Variants in FBXL17 observed in about 807,000 individuals in gnomAD.
The protein encoded by FBXL17 is F-box and leucine rich repeat protein 17.
A neutral mutation model predicts 66.2 loss-of-function variants in FBXL17; 22 were observed. The ratio of observed to expected loss-of-function variants is 0.33; its 90% CI spans 0.24 to 0.47. The LOEUF is 0.47. Ranked by LOEUF, FBXL17 falls within the 20% of genes least tolerant of loss-of-function variation. The pLI is 1.00. For missense variants in FBXL17, 878 were observed against 948.2 expected (o/e 0.93, Z 0.97); for synonymous variants, 474 against 400.5 (o/e 1.18, Z -2.19).
At chr5:108,090,879 T>C (rs1002323098) in intron 6 of FBXL17, among the ~76,000 whole-genome samples, 10 of 151,852 alleles carry the variant, frequency 6.6e-5, no homozygotes, top group African/African-American at 1.9e-4. Context: ...TTTTAAGGGG[T>C]TTTCAAATGC....
chr5:108,233,685 T>C (rs1339611901), intron 4 of FBXL17, among the ~76,000 whole-genome samples: 1 of 152,158 alleles, frequency 6.6e-6, no homozygotes, highest in Non-Finnish European at 1.5e-5. Flanking sequence ...CTGCATGAAA[T>C]GGATGTAGGC....
intron 3 of FBXL17, among the ~76,000 whole-genome samples, chr5:108,360,034 T>C (rs1444534576): frequency 2.0e-5 from 3 of 152,146 alleles, no homozygotes; most frequent in Non-Finnish European, 2.9e-5. Flanking sequence ...ATTTTATATT[T>C]ATCAATATAT....
At chr5:107,921,420 G>A (rs1405598071) in intron 7 of FBXL17, among the ~76,000 whole-genome samples, 1 of 152,160 alleles carries the variant, frequency 6.6e-6, no homozygotes, top group Non-Finnish European at 1.5e-5. Flanking sequence ...ATGCAAAACT[G>A]AGTATCAATG....
intron 4 of FBXL17, among the ~76,000 whole-genome samples, chr5:108,316,080 C>T (rs1327522357): frequency 6.6e-6 from 1 of 151,370 alleles, no homozygotes. Context: ...GAGGCCCACA[C>T]AGAAGTATCC....
chr5:108,188,672 C>G (rs1753338124), intron 5 of FBXL17, among the ~76,000 whole-genome samples: 1 of 152,176 alleles, frequency 6.6e-6, no homozygotes, highest in Non-Finnish European at 1.5e-5. Context: ...AGGCAACTGA[C>G]CAGTCAGAAC....
intron 4 of FBXL17, among the ~76,000 whole-genome samples, chr5:108,338,632 A>G (rs963907656): frequency 6.6e-6 from 1 of 152,160 alleles, no homozygotes; most frequent in Non-Finnish European, 1.5e-5. Flanking sequence ...AGATGTGGCT[A>G]CAACTAAGAT....
chr5:108,046,239 T>A (rs1747249183), intron 6 of FBXL17, among the ~76,000 whole-genome samples: 1 of 152,224 alleles, frequency 6.6e-6, no homozygotes, highest in South Asian at 2.1e-4. Context: ...TTCTAAAATA[T>A]ACTTTATCTG....
intron 6 of FBXL17, among the ~76,000 whole-genome samples, chr5:108,157,442 C>T (rs528071129): frequency 1.3e-5 from 2 of 151,462 alleles, no homozygotes; most frequent in South Asian, 2.1e-4. Context: ...CAGGAAGGTT[C>T]GTTTTTTTAA....
intron 6 of FBXL17, among the ~76,000 whole-genome samples, chr5:108,098,250 T>C (rs1045839139): frequency 6.6e-6 from 1 of 151,530 alleles, no homozygotes; most frequent in Non-Finnish European, 1.5e-5. Context: ...GTTTTTTTCC[T>C]AATAAATGTT....
intron 7 of FBXL17, among the ~76,000 whole-genome samples, chr5:107,905,961 A>G (rs552970652): frequency 2.0e-5 from 3 of 152,332 alleles, no homozygotes; most frequent in Admixed American, 1.3e-4. Flanking sequence ...AGTCAAACTC[A>G]GCAGGAATAT....
At chr5:108,007,084 T>C (rs1368300790) in intron 7 of FBXL17, among the ~76,000 whole-genome samples, 5 of 152,196 alleles carry the variant, frequency 3.3e-5, no homozygotes, top group South Asian at 2.1e-4. Context: ...AAATTACTGT[T>C]GACAAAGTTT....
intron 4 of FBXL17, among the ~76,000 whole-genome samples, chr5:108,231,290 A>C (rs576828630): frequency 6.6e-6 from 1 of 152,304 alleles, no homozygotes; most frequent in Non-Finnish European, 1.5e-5. Flanking sequence ...CACACCACCC[A>C]AAAAATTCCC....
intron 1 of FBXL17, among the ~76,000 whole-genome samples, chr5:108,374,787 CAAGT>C (rs1023799872): frequency 3.3e-5 from 5 of 152,164 alleles, no homozygotes; most frequent in Non-Finnish European, 5.9e-5. Context: ...TAACAATCAA[CAAGT>C]AAGAAGAACT....
At chr5:108,162,018 T>C (rs1752236145) in intron 6 of FBXL17, among the ~76,000 whole-genome samples, 2 of 152,168 alleles carry the variant, frequency 1.3e-5, no homozygotes, top group African/African-American at 4.8e-5. Context: ...TAAATAGAAA[T>C]TATGAAAACG....
intron 6 of FBXL17, among the ~76,000 whole-genome samples, chr5:108,071,144 T>C (rs554902426): frequency 2.0e-5 from 3 of 152,234 alleles, no homozygotes; most frequent in South Asian, 2.1e-4. Context: ...CAGGTACAGG[T>C]TGCATTGCAG....
At chr5:108,116,768 A>G (rs1424231043) in intron 6 of FBXL17, among the ~76,000 whole-genome samples, 1 of 152,142 alleles carries the variant, frequency 6.6e-6, no homozygotes, top group Non-Finnish European at 1.5e-5. Flanking sequence ...TTATCACTCA[A>G]AAAAACAGCT....
intron 6 of FBXL17, among the ~76,000 whole-genome samples, chr5:108,026,312 C>T (rs1754824127): frequency 6.6e-6 from 1 of 152,012 alleles, no homozygotes; most frequent in South Asian, 2.1e-4. Flanking sequence ...TCAAGTTAAA[C>T]AGCTATACAT....
intron 4 of FBXL17, among the ~76,000 whole-genome samples, chr5:108,318,510 A>T (rs1361106945): frequency 6.6e-6 from 1 of 151,902 alleles, no homozygotes; most frequent in Non-Finnish European, 1.5e-5. Flanking sequence ...TGAAATTTTG[A>T]GAGGGAAGTG....
At chr5:108,120,323 C>T (rs906640711) in intron 6 of FBXL17, among the ~76,000 whole-genome samples, 2 of 152,024 alleles carry the variant, frequency 1.3e-5, no homozygotes, top group Admixed American at 6.6e-5. Context: ...TTTAATCTCA[C>T]CTTTGTAAGA....
Sources: gnomAD v4.1 joint callset for allele counts (sites outside exome capture counted in the v4.1 genomes callset) on GRCh38, gnomAD v4.1.1 for gene constraint, MANE v1.5 for transcripts, NCBI Gene and HGNC (gene_info 2026-07-23, HGNC 2026-07-21) for gene names.